CRISPLD1: variants seen among roughly 807,000 people sequenced by gnomAD.
CRISPLD1 encodes cysteine rich secretory protein LCCL domain containing 1.
Under a neutral mutation model 77.5 loss-of-function variants are expected in CRISPLD1, and 60 were observed. The ratio of observed to expected loss-of-function variants is 0.77; its 90% CI spans 0.63 to 0.96. CRISPLD1 has a LOEUF of 0.96. Among genes scored for constraint, CRISPLD1 ranks in the 40% least tolerant of loss-of-function variants. The pLI is 0.00. For synonymous variants in CRISPLD1, 195 were observed against 200.1 expected (o/e 0.97, Z 0.22); for missense variants, 623 against 615.8 (o/e 1.01, Z -0.12).
At chr8:74,988,293 C>T (rs1403807259) in intron 2 of CRISPLD1, among the ~76,000 whole-genome samples, 1 of 152,080 alleles carries the variant, frequency 6.6e-6, no homozygotes. Flanking sequence ...AGAAAACAAA[C>T]CTTTAAACTG....
intron 2 of CRISPLD1, among the ~76,000 whole-genome samples, chr8:74,998,859 T>C (rs1812688297): frequency 6.6e-6 from 1 of 151,940 alleles, no homozygotes; most frequent in Non-Finnish European, 1.5e-5. Flanking sequence ...GTCTCCTGCT[T>C]GCCCTTTGGA....
chr8:75,004,218 T>C (rs138202471), intron 2 of CRISPLD1, among the ~76,000 whole-genome samples: 1 of 152,302 alleles, frequency 6.6e-6, no homozygotes, highest in Non-Finnish European at 1.5e-5. Context: ...GTAACACAAG[T>C]GTTTCCTTTG....
rs561141310 is a variant in CRISPLD1 at position 74,987,853 on chromosome 8, G to A, written c.258+1608G>A. Among the ~76,000 whole-genome samples, 20 of 152,268 alleles carry A rather than the reference G, an allele frequency of 1.3e-4. No homozygotes were observed. The South Asian group carries it at 4.1e-3, about 32-fold the overall frequency. ...CTGAGAATATTTGTGTATGTTTTAAGTAATATGGAAATCATGAAAGAACAG... is the reference window on the plus strand; with the variant it reads ...CTGAGAATATTTGTGTATGTTTTAAATAATATGGAAATCATGAAAGAACAG... On this transcript the variant is annotated intron_variant, in intron 2 of 14. Transcript: ENST00000262207.
intron 4 of CRISPLD1, 141 bp downstream of exon 4, chr8:75,013,163 C>T (rs1812964635): frequency 1.7e-6 from 1 of 599,608 alleles, no homozygotes; most frequent in African/African-American, 1.9e-5. Context: ...GTTGAATTGG[C>T]TTACAAAGTT....
intron 2 of CRISPLD1, among the ~76,000 whole-genome samples, chr8:74,996,052 AT>A (rs1269087774): frequency 4.7e-5 from 7 of 150,038 alleles, no homozygotes; most frequent in African/African-American, 1.5e-4. Context: ...ATATATATAT[AT>A]ATAAATACGC....
At chr8:75,000,050 A>G (rs1168044463) in intron 2 of CRISPLD1, 2 of 699,824 alleles carry the variant, frequency 2.9e-6, no homozygotes, top group African/African-American at 3.9e-5. Flanking sequence ...ACTAGATACA[A>G]GGATAATGAG....
chr8:75,006,211 A>G (rs1812828450), intron 2 of CRISPLD1, among the ~76,000 whole-genome samples: 1 of 152,146 alleles, frequency 6.6e-6, no homozygotes, highest in Non-Finnish European at 1.5e-5. Context: ...GCAATTTTAA[A>G]AGTCCATATT....
intron 2 of CRISPLD1, among the ~76,000 whole-genome samples, chr8:75,008,692 G>A (rs1213960119): frequency 1.3e-5 from 2 of 151,922 alleles, no homozygotes; most frequent in African/African-American, 4.8e-5. Flanking sequence ...TATTATTTTA[G>A]CAATATTATA....
At chr8:74,985,469 T>C (rs1292041707) in intron 1 of CRISPLD1, among the ~76,000 whole-genome samples, 1 of 152,154 alleles carries the variant, frequency 6.6e-6, no homozygotes, top group Non-Finnish European at 1.5e-5. Flanking sequence ...GAAACAGAGA[T>C]GGGCCACTGG....
chr8:75,028,740 TCAGAC>T (rs751678202), intron 13 of CRISPLD1, among the ~76,000 whole-genome samples: 5 of 152,196 alleles, frequency 3.3e-5, no homozygotes, highest in Non-Finnish European at 5.9e-5. Flanking sequence ...GTATTTCATG[TCAGAC>T]CATTCAAACT....
At chr8:75,030,716 G>GTGTGTGTGTCTGTGTGTATATGTA (rs1813321887) in intron 14 of CRISPLD1, among the ~76,000 whole-genome samples, 1 of 150,020 alleles carries the variant, frequency 6.7e-6, no homozygotes, top group Admixed American at 6.7e-5. Context: ...GTATATGTAT[G>GTGTGTGTGTCTGTGTGTATATGTA]TGTGTGTGTC....
At chr8:75,031,278 T>G (rs555284667) in intron 14 of CRISPLD1, among the ~76,000 whole-genome samples, 1 of 152,158 alleles carries the variant, frequency 6.6e-6, no homozygotes, top group South Asian at 2.1e-4. Flanking sequence ...ATATAAAACA[T>G]AGTTCACTTT....
intron 14 of CRISPLD1, among the ~76,000 whole-genome samples, chr8:75,030,846 G>A (rs1813329374): frequency 6.7e-6 from 1 of 149,896 alleles, no homozygotes. Context: ...GTGTATATAT[G>A]TGAATGTATA....
intron 13 of CRISPLD1, among the ~76,000 whole-genome samples, chr8:75,027,607 T>C (rs1173233649): frequency 6.6e-6 from 1 of 152,066 alleles, no homozygotes; most frequent in African/African-American, 2.4e-5. Context: ...CTTTGAAGAG[T>C]AAGTTGGAAA....
intron 2 of CRISPLD1, among the ~76,000 whole-genome samples, chr8:74,995,224 A>G (rs1007673551): frequency 1.3e-5 from 2 of 152,214 alleles, no homozygotes; most frequent in Admixed American, 1.3e-4. Context: ...AGAAAACTAG[A>G]AGAACATGAT....
chr8:75,018,143 A>T (rs1345442874), intron 10 of CRISPLD1, among the ~76,000 whole-genome samples: 1 of 152,148 alleles, frequency 6.6e-6, no homozygotes, highest in South Asian at 2.1e-4. Context: ...GAAATTTGAC[A>T]TTGTCTCTTT....
At chr8:75,027,725 A>C (rs1302169035) in intron 13 of CRISPLD1, among the ~76,000 whole-genome samples, 1 of 152,180 alleles carries the variant, frequency 6.6e-6, no homozygotes, top group African/African-American at 2.4e-5. Context: ...AAGGATGGAA[A>C]TGTGAGAATC....
Position 75,025,577 on chromosome 8 carries a change from A to G in CRISPLD1, c.1276A>G (p.Asn426Asp), listed in dbSNP as rs1274816482. 9 of 1,589,824 alleles carry G rather than the reference A, an allele frequency of 5.7e-6. No homozygotes were observed. The highest frequency in any genetic ancestry group is 7.8e-6 in the Non-Finnish European group (9 of 1,160,266). The change falls in exon 13 of 15, where the codon AAT becomes GAT. Residue 426 changes from asparagine to aspartate, a missense_variant. Transcript: ENST00000262207. Reference sequence around the variant, plus strand: ...CTGTCCTCGTAACTGTATGCAAGCAAATCCACATTATGCTCGTGTAATTGG... The same window carrying G: ...CTGTCCTCGTAACTGTATGCAAGCAGATCCACATTATGCTCGTGTAATTGG... ...VYCPRNCMQA[N>D]PHYARVIGTR...
At chr8:75,017,154 C>T (rs1813046606) in intron 9 of CRISPLD1, 41 bp downstream of exon 9, 4 of 1,552,666 alleles carry the variant, frequency 2.6e-6, no homozygotes, top group Middle Eastern at 3.6e-4. Flanking sequence ...TAGAGTCATT[C>T]CATGTAATAT....
Sources: allele counts gnomAD v4.1 joint callset (sites outside exome capture counted in the v4.1 genomes callset), GRCh38; gene constraint gnomAD v4.1.1; transcripts MANE v1.5; gene names NCBI Gene and HGNC (gene_info 2026-07-23, HGNC 2026-07-21).